The following NXN variants were observed in gnomAD, a reference collection of about 807,000 sequenced individuals.
NXN encodes nucleoredoxin.
A neutral mutation model predicts 48.6 loss-of-function variants in NXN; 16 were observed. The ratio of observed to expected loss-of-function variants is 0.33; its 90% CI spans 0.22 to 0.50. NXN has a LOEUF of 0.50. NXN is among the 20% of genes least tolerant of loss of function. The pLI is 0.98. For missense variants in NXN, 492 were observed against 605.5 expected (o/e 0.81, Z 1.97); for synonymous variants, 281 against 269.6 (o/e 1.04, Z -0.41).
At chr17:811,502 C>G (rs1171309193) in intron 5 of NXN, among the ~76,000 whole-genome samples, 1 of 136,666 alleles carries the variant, frequency 7.3e-6, no homozygotes, top group Non-Finnish European at 1.6e-5. Flanking sequence ...GCGTAAAGCC[C>G]CGGGGTTGGG....
chr17:957,178 A>G (rs1005598766), intron 1 of NXN, among the ~76,000 whole-genome samples: 2 of 152,150 alleles, frequency 1.3e-5, no homozygotes, highest in Non-Finnish European at 2.9e-5. Context: ...ATGAGCACAT[A>G]CGATGAAAAC....
Position 804,147 on chromosome 17 carries a change from C to T in NXN, c.1001-341G>A, listed in dbSNP as rs900422539. On this transcript the variant is annotated intron_variant, in intron 6 of 7. Coordinates refer to ENST00000336868, the MANE Select transcript of NXN (RefSeq NM_022463.5). ...GCTTCCCCTAAGCCAGGACCTGAGG[C>T]GCCTGCTAGTGTTTCTCTCAGCCAC... 4.6e-5 allele frequency among the ~76,000 whole-genome samples: 7 copies of T among 152,286 alleles called. No homozygotes were observed. In the East Asian group the frequency reaches 1.2e-3, roughly 25 times the overall value.
chr17:823,046 G>A (rs958367441), intron 3 of NXN, among the ~76,000 whole-genome samples: 4 of 151,086 alleles, frequency 2.6e-5, no homozygotes, highest in Admixed American at 1.3e-4. Flanking sequence ...GGTGCGGTGA[G>A]TTGAGATTGT....
Position 932,733 on chromosome 17 carries a change from A to C in NXN, c.360+46586T>G, listed in dbSNP as rs2068867394. Among the ~76,000 whole-genome samples the C allele has an allele frequency of 6.6e-6, 1 of 152,170 alleles. No individual in the cohort carries two copies. The highest frequency in any genetic ancestry group is 6.5e-5 in the Admixed American group (1 of 15,274). ...AGCGAGTGGGCTGTGTGGTCCCCGGACAAGCAGCTGAGTGGGTGGGGAGTG... is the reference window on the plus strand; with the variant it reads ...AGCGAGTGGGCTGTGTGGTCCCCGGCCAAGCAGCTGAGTGGGTGGGGAGTG... On this transcript the variant is annotated intron_variant, in intron 1 of 7. Transcript: ENST00000336868. This position sits in a 1 kb window ranked among gnomAD's most constrained non-coding sequence, Gnocchi z 4.1.
chr17:834,762 CT>C (rs935731386), intron 1 of NXN, among the ~76,000 whole-genome samples: 1 of 151,880 alleles, frequency 6.6e-6, no homozygotes, highest in Non-Finnish European at 1.5e-5. Flanking sequence ...CTCAAGTGAT[CT>C]GCCCGCCTTG....
In NXN at chr17:919,299, G is replaced by C. The variant is rs960847245; in HGVS notation, c.360+60020C>G. 1.3e-5 allele frequency among the ~76,000 whole-genome samples: 2 copies of C among 152,074 alleles called. No individual in the cohort carries two copies. Among genetic ancestry groups the C allele is most frequent in the Non-Finnish European group, 2.9e-5 (2 of 68,018 alleles). On this transcript the variant is annotated intron_variant, in intron 1 of 7. Coordinates refer to ENST00000336868, the MANE Select transcript of NXN (RefSeq NM_022463.5). The surrounding 1 kb of genome is among the most constrained non-coding windows in gnomAD (Gnocchi z 5.1). ...AATAGCTTGAACTAGGGAGGCAGAG[G>C]TTGCAGTGAGCCGAGATTGTGCCAC...
intron 1 of NXN, among the ~76,000 whole-genome samples, chr17:951,833 C>T (rs1293571186): frequency 6.6e-6 from 1 of 152,062 alleles, no homozygotes; most frequent in East Asian, 1.9e-4. Context: ...GCAGAGAGGA[C>T]GGGAGGCAGG....
At chr17:931,784 G>C (rs2068856658) in intron 1 of NXN, among the ~76,000 whole-genome samples, 1 of 141,470 alleles carries the variant, frequency 7.1e-6, no homozygotes. Context: ...GCAGTGAGCT[G>C]AGATCACGCC....
intron 3 of NXN, among the ~76,000 whole-genome samples, chr17:823,085 G>A (rs996567452): frequency 3.7e-4 from 52 of 140,332 alleles, no homozygotes; most frequent in African/African-American, 1.4e-3. Flanking sequence ...AGGCGACAGA[G>A]CAAGACTCTG....
intron 6 of NXN, 49 bp downstream of exon 6, chr17:805,019 G>C (rs893861956): frequency 6.6e-7 from 1 of 1,525,278 alleles, no homozygotes; most frequent in Non-Finnish European, 8.9e-7. Context: ...GGCCCCTCCT[G>C]TCCCGCCCCC....
chr17:848,680 T>C (rs1469116449), intron 1 of NXN, among the ~76,000 whole-genome samples: 1 of 152,160 alleles, frequency 6.6e-6, no homozygotes, highest in African/African-American at 2.4e-5. Context: ...CACCACACGA[T>C]TGGTTCCAAA....
intron 1 of NXN, among the ~76,000 whole-genome samples, chr17:966,978 C>T (rs771685221): frequency 2.0e-5 from 3 of 152,096 alleles, no homozygotes; most frequent in Non-Finnish European, 4.4e-5. Context: ...TGGGAGAGGA[C>T]GGCTGAGGTC....
rs1042088711 is a variant in NXN at position 978,870 on chromosome 17, C to A, written c.360+449G>T. Reference sequence around the variant, plus strand: ...CCCCTCCCCTCCCCACTGTGGGAATCCGCGGGGGTCGGCGGCGGAGGCAGG... The same window carrying A: ...CCCCTCCCCTCCCCACTGTGGGAATACGCGGGGGTCGGCGGCGGAGGCAGG... On this transcript the variant is annotated intron_variant, in intron 1 of 7. Coordinates refer to ENST00000336868, the MANE Select transcript of NXN (RefSeq NM_022463.5). This position sits in a 1 kb window ranked among gnomAD's most constrained non-coding sequence, Gnocchi z 4.1. Among the ~76,000 whole-genome samples the A allele has an allele frequency of 3.3e-5, 5 of 151,250 alleles. No individual in the cohort carries two copies. The highest frequency in any genetic ancestry group is 1.2e-4 in the African/African-American group (5 of 41,166).
At chr17:894,179 G>A (rs55984918) in intron 1 of NXN, among the ~76,000 whole-genome samples, 2 of 51,438 alleles carry the variant, frequency 3.9e-5, no homozygotes, top group African/African-American at 1.7e-4. Context: ...CGCCCTGGAA[G>A]CCAGAGGAAG....
At chr17:913,042 C>G (rs1318758940) in intron 1 of NXN, among the ~76,000 whole-genome samples, 2 of 152,114 alleles carry the variant, frequency 1.3e-5, no homozygotes, top group African/African-American at 4.8e-5. Flanking sequence ...AATATCTTTT[C>G]TCACCCTAGG....
chr17:866,904 G>A (rs2068100506), intron 1 of NXN, among the ~76,000 whole-genome samples: 1 of 152,232 alleles, frequency 6.6e-6, no homozygotes, highest in Non-Finnish European at 1.5e-5. Context: ...CCAGCCTCAG[G>A]CTGCGGGTCA....
At chr17:934,948 A>G (rs191693342) in intron 1 of NXN, among the ~76,000 whole-genome samples, 267 of 151,706 alleles carry the variant, frequency 1.8e-3, no homozygotes, top group Non-Finnish European at 3.0e-3. Context: ...ACTTGCTGCC[A>G]CTCATTATTG....
intron 1 of NXN, among the ~76,000 whole-genome samples, chr17:969,577 C>A (rs999734500): frequency 6.6e-6 from 1 of 152,138 alleles, no homozygotes; most frequent in African/African-American, 2.4e-5. Context: ...GCACGTGGTC[C>A]CGCCCAATCT....
intron 1 of NXN, among the ~76,000 whole-genome samples, chr17:868,507 T>C (rs1260473906): frequency 3.9e-5 from 6 of 152,172 alleles, no homozygotes; most frequent in Non-Finnish European, 8.8e-5. Context: ...TTTGTTTGTT[T>C]TTGAGACGGA....
Sources: gnomAD v4.1 joint callset for allele counts (sites outside exome capture counted in the v4.1 genomes callset) on GRCh38, gnomAD v4.1.1 for gene constraint, Gnocchi (gnomAD v3.1) non-coding constraint, MANE v1.5 for transcripts, NCBI Gene and HGNC (gene_info 2026-07-23, HGNC 2026-07-21) for gene names.